The following NIPAL1 variants were observed in gnomAD, a reference collection of about 807,000 sequenced individuals.
NIPAL1 encodes the protein magnesium transporter NIPA3.
Under a neutral mutation model 37.7 loss-of-function variants are expected in NIPAL1, and 35 were observed. That is an observed-to-expected ratio of 0.93 (90% CI 0.71 to 1.23). The LOEUF (loss-of-function observed/expected upper bound fraction) is 1.23. NIPAL1 is among the 50% of genes most tolerant of loss of function. The pLI, the probability that NIPAL1 is intolerant of heterozygous loss-of-function variation, is 0.00. For synonymous variants in NIPAL1, 162 were observed against 183.0 expected, an observed-to-expected ratio of 0.89 and a Z score of 0.93; for missense variants, 412 against 473.9, an observed-to-expected ratio of 0.87 and a Z score of 1.21.
chr4:48,020,323 G>A (rs1205582770), intron 1 of NIPAL1, among the ~76,000 whole-genome samples: 1 of 152,184 alleles, frequency 6.6e-6, no homozygotes, highest in Non-Finnish European at 1.5e-5. Context: ...AGGGGACAGG[G>A]AGTATTAAGC....
Position 48,037,310 on chromosome 4 carries a change from T to G in NIPAL1, c.*1138T>G. The G allele has an allele frequency of 2.4e-6, 1 of 416,874 alleles. No individual in the cohort carries two copies. The highest frequency in any genetic ancestry group is 4.8e-6 in the Non-Finnish European group (1 of 210,358). 25.8% of individuals were successfully genotyped at this position (416,874 alleles called of 1,614,324 possible). A position where few individuals can be genotyped will look rare whatever the true frequency, so the allele number is the denominator to read the frequency against. On this transcript the variant is annotated 3_prime_UTR_variant, in exon 6 of 6. Coordinates refer to ENST00000295461, the MANE Select transcript of NIPAL1 (RefSeq NM_207330.3). ...TTAATTAACTCAGGTCTGGAAGACA[T>G]AGGACAAAATGGAGTTTCTGAAGAA...
intron 3 of NIPAL1, among the ~76,000 whole-genome samples, chr4:48,030,981 A>T (rs753844158): frequency 1.3e-5 from 2 of 152,228 alleles, no homozygotes; most frequent in Non-Finnish European, 2.9e-5. Context: ...GTGGAATCTA[A>T]AAGGATGATT....
intron 1 of NIPAL1, among the ~76,000 whole-genome samples, chr4:48,017,327 C>A (rs1438205990): frequency 6.6e-6 from 1 of 152,190 alleles, no homozygotes; most frequent in Admixed American, 6.5e-5. Flanking sequence ...GAGTTCTGCG[C>A]TGCGCCCTGC....
chr4:48,028,880 T>C (rs1415202705), intron 2 of NIPAL1, among the ~76,000 whole-genome samples: 1 of 152,098 alleles, frequency 6.6e-6, no homozygotes, highest in Non-Finnish European at 1.5e-5. Flanking sequence ...CATCTTACAC[T>C]AGTCAGAATG....
chr4:48,024,201 A>C (rs955011383), intron 1 of NIPAL1, among the ~76,000 whole-genome samples: 1 of 151,944 alleles, frequency 6.6e-6, no homozygotes, highest in Admixed American at 6.6e-5. Context: ...CTGGTCTCGA[A>C]CTCCTGATCT....
rs1715599323 is a variant in NIPAL1 at position 48,022,762 on chromosome 4, T to C, written c.47-2306T>C. On this transcript the variant is annotated intron_variant, in intron 1 of 5. Coordinates refer to ENST00000295461, the MANE Select transcript of NIPAL1 (RefSeq NM_207330.3). Reference sequence around the variant, plus strand: ...CGTGTGGAACAAGATTGCTAAGGGCTAGCTTGCTTGAAAATTTGCAGCATC... The same window carrying C: ...CGTGTGGAACAAGATTGCTAAGGGCCAGCTTGCTTGAAAATTTGCAGCATC... Among the ~76,000 whole-genome samples, 3 of 152,282 alleles carry C rather than the reference T, an allele frequency of 2.0e-5. 1 individual carries two copies. In the South Asian group the frequency reaches 6.2e-4, roughly 32 times the overall value.
chr4:48,017,835 A>G (rs1560320797), intron 1 of NIPAL1, among the ~76,000 whole-genome samples: 1 of 144,926 alleles, frequency 6.9e-6, no homozygotes, highest in Non-Finnish European at 1.5e-5. Context: ...TACTATATAT[A>G]TACACATATA....
At chr4:48,025,030 C>G in intron 1 of NIPAL1, 38 bp from the exon 2 acceptor site, 1 of 1,594,192 alleles carries the variant, frequency 6.3e-7, no homozygotes, top group South Asian at 1.1e-5. Context: ...ATACCTCTCC[C>G]TTTCATTCCT....
intron 3 of NIPAL1, among the ~76,000 whole-genome samples, chr4:48,031,748 G>T (rs1715823170): frequency 2.0e-5 from 3 of 151,726 alleles, no homozygotes; most frequent in Admixed American, 2.0e-4. Flanking sequence ...AACTGCCACG[G>T]TTTTTTTTAG....
intron 2 of NIPAL1, 25 bp downstream of exon 2, chr4:48,025,359 A>C (rs1244239121): frequency 6.2e-7 from 1 of 1,606,096 alleles, no homozygotes; most frequent in Admixed American, 1.7e-5. Context: ...CAACTAATGA[A>C]TTTAAGTTTC....
At chr4:48,030,015 T>C (rs1715785065) in intron 2 of NIPAL1, 105 bp from the exon 3 acceptor site, 1 of 622,570 alleles carries the variant, frequency 1.6e-6, no homozygotes, top group South Asian at 2.1e-5. Context: ...TTTACTGACT[T>C]AACTTTTCTA....
intron 1 of NIPAL1, among the ~76,000 whole-genome samples, chr4:48,021,243 C>T (rs990245458): frequency 6.6e-6 from 1 of 152,108 alleles, no homozygotes; most frequent in Non-Finnish European, 1.5e-5. Context: ...TTATGAGGCA[C>T]CAGTATTGTA....
chr4:48,025,008 C>T (rs1006089945), intron 1 of NIPAL1, 60 bp from the exon 2 acceptor site: 13 of 1,447,732 alleles, frequency 9.0e-6, no homozygotes, highest in East Asian at 2.3e-5. Flanking sequence ...TGCAGAAAGC[C>T]GGTAAGCATT....
At position 48,035,717 on chromosome 4, in the gene NIPAL1, G is replaced by A. The variant is rs967072777; in HGVS notation, c.778G>A (p.Ala260Thr). 6.2e-7 allele frequency: 1 copy of A among 1,614,084 alleles called. No individual in the cohort carries two copies. The highest frequency in any genetic ancestry group is 1.3e-5 in the African/African-American group (1 of 75,040). Reference protein sequence around the residue: ...SVSSVKGLGIAIKELIEWKPV... With the variant: ...SVSSVKGLGITIKELIEWKPV... ...TTCTTCTGTGAAAGGCCTGGGAATT[G>A]CCATTAAGGAGCTGATAGAATGGAA... The change falls in exon 6 of 6, where the codon GCC becomes ACC. Residue 260 changes from alanine to threonine, a missense_variant. Ala to Thr is a moderately conservative substitution (Grantham distance 58). Transcript: ENST00000295461.
chr4:48,033,611 A>T (rs1715866500), intron 4 of NIPAL1, among the ~76,000 whole-genome samples: 1 of 152,126 alleles, frequency 6.6e-6, no homozygotes, highest in Non-Finnish European at 1.5e-5. Context: ...CTCTCACTAC[A>T]ATTCTTGCAT....
chr4:48,019,267 C>T (rs1715518978), intron 1 of NIPAL1, among the ~76,000 whole-genome samples: 1 of 152,214 alleles, frequency 6.6e-6, no homozygotes, highest in Admixed American at 6.5e-5. Flanking sequence ...CCTACCTTGG[C>T]ATCCCAAAGT....
rs1334413196 is a variant in NIPAL1, at chr4:48,038,398, C to T, written c.*2226C>T. ...CAATGGCTCACACCTGTAATTCCAA[C>T]ACTTTGGGGGGCTCAGGTGGGAGGA... On this transcript the variant is annotated 3_prime_UTR_variant, in exon 6 of 6. Transcript: ENST00000295461. 6.6e-6 allele frequency: 1 copy of T among 152,138 alleles called. No homozygotes were observed. Among genetic ancestry groups the T allele is most frequent in the African/African-American group, 2.4e-5 (1 of 41,414 alleles). The allele number at this position is 152,138 out of a possible 1,614,324, so 9.4% of individuals were successfully genotyped here.
chr4:48,025,268 G>A lies in NIPAL1; in HGVS notation c.247G>A (p.Gly83Ser), dbSNP rs1715663008. Residue 83 changes from glycine to serine, a missense_variant, in exon 2 of 6, where the codon GGC (glycine) becomes AGC (serine). Gly to Ser is a moderately conservative substitution (Grantham distance 56). Coordinates refer to ENST00000295461, the MANE Select transcript of NIPAL1 (RefSeq NM_207330.3). ...VLAVSSSIFI[G>S]SSFILKKKGL... ...GGCAGTAAGCTCAAGTATTTTTATT[G>A]GCTCCAGCTTCATACTGAAAAAGAA... 1 of 1,614,094 alleles carries A rather than the reference G, an allele frequency of 6.2e-7. No individual in the cohort carries two copies. The highest frequency in any genetic ancestry group is 8.5e-7 in the Non-Finnish European group (1 of 1,179,980).
intron 3 of NIPAL1, among the ~76,000 whole-genome samples, chr4:48,032,534 A>T (rs1715844591): frequency 6.6e-6 from 1 of 152,210 alleles, no homozygotes; most frequent in Non-Finnish European, 1.5e-5. Context: ...TATGGCAGGT[A>T]TTTCTGGCTA....
Sources: allele counts gnomAD v4.1 joint callset (sites outside exome capture counted in the v4.1 genomes callset), GRCh38; gene constraint gnomAD v4.1.1; transcripts MANE v1.5; gene names NCBI Gene and HGNC (gene_info 2026-07-23, HGNC 2026-07-21).